GABRB1: variants seen among roughly 807,000 people sequenced by gnomAD.
GABRB1 encodes gamma-aminobutyric acid type A receptor subunit beta1.
Under a neutral mutation model 51.6 loss-of-function variants are expected in GABRB1, and 17 were observed. The ratio of observed to expected loss-of-function variants is 0.33; its 90% CI spans 0.23 to 0.49. The LOEUF is 0.49. GABRB1 is among the 20% of genes least tolerant of loss of function. The pLI is 0.99. For synonymous variants in GABRB1, 247 were observed against 218.9 expected (o/e 1.13, Z -1.14); for missense variants, 410 against 600.6 (o/e 0.68, Z 3.32).
At chr4:47,096,313 A>C (rs1185718954) in intron 3 of GABRB1, among the ~76,000 whole-genome samples, 1 of 152,198 alleles carries the variant, frequency 6.6e-6, no homozygotes, top group African/African-American at 2.4e-5. Flanking sequence ...GAGGCAGGCC[A>C]AAGTAGGAAG....
At position 47,406,887 on chromosome 4, in the gene GABRB1, T is replaced by G. The variant is rs780621488; in HGVS notation, c.1041T>G (p.Ser347Arg). The G allele has an allele frequency of 1.3e-5, 21 of 1,613,842 alleles. No homozygotes were observed. In the East Asian group the frequency reaches 3.3e-4, roughly 26 times the overall value. Residue 347 changes from serine (S) to arginine (R), a missense_variant, in exon 8 of 9, where the codon AGT becomes AGG. This residue lies in a region of GABRB1 where 181 missense variants were observed against 195.6 expected (regional missense o/e 0.93). Transcript: ENST00000295454. The part of the protein sequence containing the change: ...QKKGASKQDQ[S>R]ANEKNKLEMN... ...AGGGAGCTAGCAAACAAGACCAGAG[T>G]GCCAATGAGAAGAATAAACTGGAGA...
At chr4:47,176,958 C>A (rs1718730347) in intron 4 of GABRB1, among the ~76,000 whole-genome samples, 1 of 152,106 alleles carries the variant, frequency 6.6e-6, no homozygotes, top group Admixed American at 6.6e-5. Flanking sequence ...TGCTTAAGAT[C>A]AGATAGCTGG....
Position 47,032,291 on chromosome 4 carries a change from G to C in GABRB1, c.173-126G>C, listed in dbSNP as rs1476426297. 7 of 901,116 alleles carry C rather than the reference G, an allele frequency of 7.8e-6. No homozygotes were observed. The Admixed American group carries it at 1.6e-4, about 21-fold the overall frequency. The allele number at this position is 901,116 out of a possible 1,614,324, so 55.8% of individuals were successfully genotyped here. On this transcript the variant is annotated intron_variant, in intron 2 of 8. Transcript: ENST00000295454. ...TGTTTTCCCAGGCAGTCCCCTGAAA[G>C]GGGTGGTGGGGGGAGCAGGGAGGGA...
intron 4 of GABRB1, among the ~76,000 whole-genome samples, chr4:47,173,746 T>C (rs1338992977): frequency 1.3e-5 from 2 of 152,184 alleles, no homozygotes; most frequent in African/African-American, 4.8e-5. Flanking sequence ...CCCTGTTCTC[T>C]CTTCTTCCTG....
chr4:47,154,261 T>TG (rs1034541105), intron 3 of GABRB1, among the ~76,000 whole-genome samples: 13 of 151,310 alleles, frequency 8.6e-5, no homozygotes, highest in Admixed American at 4.0e-4. Context: ...ATGGTTGTTT[T>TG]TTTTTTTTTT....
chr4:47,179,541 C>G (rs915312514), intron 4 of GABRB1, among the ~76,000 whole-genome samples: 2 of 152,194 alleles, frequency 1.3e-5, no homozygotes, highest in African/African-American at 4.8e-5. Context: ...CCAAATGGGC[C>G]ATACTTTTAA....
At chr4:47,245,827 CTT>C (rs201059107) in intron 4 of GABRB1, among the ~76,000 whole-genome samples, 17 of 130,376 alleles carry the variant, frequency 1.3e-4, no homozygotes, top group Admixed American at 1.5e-4. Flanking sequence ...TTCTTTCTTT[CTT>C]TTTTTTTTTT....
At chr4:47,388,288 G>T (rs975292128) in intron 5 of GABRB1, among the ~76,000 whole-genome samples, 8 of 152,204 alleles carry the variant, frequency 5.3e-5, no homozygotes, top group Admixed American at 5.2e-4. Flanking sequence ...GTATGGTCTA[G>T]TGTAGACAAG....
chr4:47,290,248 C>T (rs554900077), intron 4 of GABRB1, among the ~76,000 whole-genome samples: 109 of 152,264 alleles, frequency 7.2e-4, no homozygotes, highest in Middle Eastern at 6.8e-3. Flanking sequence ...TTGCTGTTCT[C>T]ATGATAGTAA....
intron 4 of GABRB1, among the ~76,000 whole-genome samples, chr4:47,273,860 TAC>T (rs1553869398): frequency 2.1e-5 from 1 of 48,678 alleles, no homozygotes; most frequent in African/African-American, 1.3e-4. Flanking sequence ...AAACCATATA[TAC>T]ATACACACAC....
chr4:47,406,565 A>T, intron 7 of GABRB1, 117 bp from the exon 8 acceptor site: 1 of 1,239,804 alleles, frequency 8.1e-7, no homozygotes, highest in Non-Finnish European at 1.2e-6. Flanking sequence ...TTATCATGCT[A>T]CTGTGATCAC....
rs1299024240 is a variant in GABRB1, at chr4:47,254,179, C to T, written c.462-65948C>T. On this transcript the variant is annotated intron_variant, in intron 4 of 8. Coordinates refer to ENST00000295454, the MANE Select transcript of GABRB1 (RefSeq NM_000812.4). ...AGGTTGAGTCCTACCGTTTCTGCACCAAAGAATATGCTATCAGAAAATCTC... is the reference window on the plus strand; with the variant it reads ...AGGTTGAGTCCTACCGTTTCTGCACTAAAGAATATGCTATCAGAAAATCTC... Among the ~76,000 whole-genome samples, 4 of 151,924 alleles carry T rather than the reference C, an allele frequency of 2.6e-5. No individual in the cohort carries two copies. In the East Asian group the frequency reaches 7.7e-4, roughly 29 times the overall value.
chr4:47,317,434 T>C (rs930055756), intron 4 of GABRB1, among the ~76,000 whole-genome samples: 1 of 151,900 alleles, frequency 6.6e-6, no homozygotes, highest in Non-Finnish European at 1.5e-5. Context: ...ATTTAGGGTG[T>C]TTGAATCACT....
At chr4:47,387,183 G>A (rs1288758887) in intron 5 of GABRB1, among the ~76,000 whole-genome samples, 1 of 152,176 alleles carries the variant, frequency 6.6e-6, no homozygotes, top group Admixed American at 6.5e-5. Flanking sequence ...AACAAAAATA[G>A]CCCAGGCACA....
chr4:47,215,477 G>A (rs541797197), intron 4 of GABRB1, among the ~76,000 whole-genome samples: 2 of 152,036 alleles, frequency 1.3e-5, no homozygotes, highest in Admixed American at 1.3e-4. Flanking sequence ...TATTTACTGA[G>A]CAACAACCAG....
At chr4:47,028,777 C>A (rs1725183484), upstream of GABRB1, among the ~76,000 whole-genome samples, 1 of 147,292 alleles carries the variant, frequency 6.8e-6, no homozygotes, top group Admixed American at 7.0e-5. Flanking sequence ...TACATATACA[C>A]CATATATATG....
chr4:47,077,930 ATTATATATTTTATATATATTATATATT>A (rs1560523587), intron 3 of GABRB1, among the ~76,000 whole-genome samples: 2 of 127,366 alleles, frequency 1.6e-5, no homozygotes, highest in African/African-American at 6.0e-5. Context: ...TTTTATATAT[ATTATATATTTTATATATATTATATATT>A]TTATATATAT....
chr4:47,407,377 A>T (rs1237021497), intron 8 of GABRB1, among the ~76,000 whole-genome samples: 1 of 152,096 alleles, frequency 6.6e-6, no homozygotes, highest in African/African-American at 2.4e-5. Flanking sequence ...TCTTTATCTA[A>T]CCTTTTCTCT....
At chr4:47,044,811 A>G (rs1726014788) in intron 3 of GABRB1, among the ~76,000 whole-genome samples, 2 of 151,632 alleles carry the variant, frequency 1.3e-5, no homozygotes, top group Admixed American at 6.6e-5. Context: ...ATTATTTTTA[A>G]TTGTGAAATT....
Sources: allele counts gnomAD v4.1 joint callset (sites outside exome capture counted in the v4.1 genomes callset), GRCh38; gene constraint gnomAD v4.1.1; regional missense constraint gnomAD v4.1.1; transcripts MANE v1.5; gene names NCBI Gene and HGNC (gene_info 2026-07-23, HGNC 2026-07-21).